The following AGBL1 variants were observed in gnomAD, a reference collection of about 807,000 sequenced individuals.
AGBL1 encodes cytosolic carboxypeptidase 4.
AGBL1 carries 130 observed loss-of-function variants against 118.9 expected under a neutral mutation model. That is an observed-to-expected ratio of 1.09 (90% CI 0.95 to 1.26). The LOEUF (loss-of-function observed/expected upper bound fraction) is 1.26. Ranked by LOEUF, AGBL1 falls within the 50% of genes most tolerant of loss-of-function variation. The pLI, the probability that AGBL1 is intolerant of heterozygous loss-of-function variation, is 0.00. For synonymous variants in AGBL1, 555 were observed against 478.9 expected, an observed-to-expected ratio of 1.16 and a Z score of -2.08; for missense variants, 1,584 against 1,298.1, an observed-to-expected ratio of 1.22 and a Z score of -3.38.
intron 17 of AGBL1, among the ~76,000 whole-genome samples, chr15:86,395,940 C>G (rs1015609484): frequency 1.3e-5 from 2 of 151,774 alleles, no homozygotes; most frequent in Non-Finnish European, 2.9e-5. Flanking sequence ...TTTGTATCTT[C>G]AAAAAGGCTA....
At chr15:86,568,799 G>A (rs1345832854) in intron 21 of AGBL1, among the ~76,000 whole-genome samples, 1 of 152,188 alleles carries the variant, frequency 6.6e-6, no homozygotes, top group Non-Finnish European at 1.5e-5. Context: ...GGTCAAAGAG[G>A]TGAGGTAGAT....
chr15:86,942,601 C>T (rs955615980), intron 23 of AGBL1, among the ~76,000 whole-genome samples: 8 of 152,222 alleles, frequency 5.3e-5, no homozygotes, highest in East Asian at 1.9e-4. Flanking sequence ...TTTTCCCTCA[C>T]ACCTCTCTCT....
At chr15:86,235,017 C>T (rs909078212) in intron 6 of AGBL1, among the ~76,000 whole-genome samples, 1 of 151,960 alleles carries the variant, frequency 6.6e-6, no homozygotes. Context: ...AAATATTTTA[C>T]GGTTTGTGGA....
chr15:86,604,593 T>C (rs1172273432), intron 21 of AGBL1, among the ~76,000 whole-genome samples: 1 of 152,198 alleles, frequency 6.6e-6, no homozygotes, highest in Non-Finnish European at 1.5e-5. Context: ...ATTTTCTATG[T>C]GCCTTACCTT....
At chr15:86,880,444 C>T (rs2079874589) in intron 22 of AGBL1, among the ~76,000 whole-genome samples, 1 of 152,154 alleles carries the variant, frequency 6.6e-6, no homozygotes, top group South Asian at 2.1e-4. Flanking sequence ...GGAACAATTG[C>T]TTATGTCAGG....
chr15:86,714,188 G>A (rs1287118385), intron 22 of AGBL1, among the ~76,000 whole-genome samples: 1 of 152,174 alleles, frequency 6.6e-6, no homozygotes, highest in Non-Finnish European at 1.5e-5. Flanking sequence ...GCAATGATAA[G>A]GGGCCCAAGA....
intron 22 of AGBL1, among the ~76,000 whole-genome samples, chr15:86,882,396 T>A (rs2079907029): frequency 6.6e-6 from 1 of 152,198 alleles, no homozygotes; most frequent in Admixed American, 6.5e-5. Context: ...CTTTGTAATA[T>A]CAATTGAATT....
intron 23 of AGBL1, among the ~76,000 whole-genome samples, chr15:86,942,152 T>C (rs1466654860): frequency 6.6e-6 from 1 of 152,084 alleles, no homozygotes; most frequent in Non-Finnish European, 1.5e-5. Flanking sequence ...AACACACACA[T>C]ACGCAAAACA....
chr15:86,689,693 A>T (rs757065011), intron 22 of AGBL1, among the ~76,000 whole-genome samples: 1 of 152,162 alleles, frequency 6.6e-6, no homozygotes, highest in Admixed American at 6.6e-5. Flanking sequence ...ACTTTTATGT[A>T]TTAAAAAAAA....
At chr15:87,030,059 C>T (rs1161188832), downstream of AGBL1, among the ~76,000 whole-genome samples, 2 of 151,850 alleles carry the variant, frequency 1.3e-5, no homozygotes, top group African/African-American at 4.8e-5. Context: ...AAGATTATTA[C>T]AATTAAAAGG....
At chr15:86,928,370 G>A (rs909677440) in intron 23 of AGBL1, among the ~76,000 whole-genome samples, 4 of 152,154 alleles carry the variant, frequency 2.6e-5, no homozygotes, top group Admixed American at 2.0e-4. Flanking sequence ...CCTAAGAGAG[G>A]CCCTGTCTGC....
chr15:86,491,906 A>G (rs1264020204), intron 18 of AGBL1, among the ~76,000 whole-genome samples: 1 of 151,938 alleles, frequency 6.6e-6, no homozygotes, highest in East Asian at 1.9e-4. Context: ...GAGTACAGAA[A>G]ATAGAAGGGA....
chr15:86,165,955 T>G (rs1290339447), intron 5 of AGBL1, among the ~76,000 whole-genome samples: 1 of 152,126 alleles, frequency 6.6e-6, no homozygotes, highest in Non-Finnish European at 1.5e-5. Context: ...CAACTAGAGT[T>G]ATAGGGTTAA....
chr15:86,538,945 G>A (rs2083459378), intron 19 of AGBL1, among the ~76,000 whole-genome samples: 1 of 152,250 alleles, frequency 6.6e-6, no homozygotes, highest in South Asian at 2.1e-4. Context: ...AGGCATGTGA[G>A]AAGCATGGCA....
At chr15:86,780,081 C>T (rs1002507411) in intron 22 of AGBL1, among the ~76,000 whole-genome samples, 127 of 152,270 alleles carry the variant, frequency 8.3e-4, no homozygotes, top group African/African-American at 2.9e-3. Context: ...AAGCTATCCT[C>T]CTATGTGTTT....
At chr15:86,835,758 A>T (rs1190728029) in intron 22 of AGBL1, among the ~76,000 whole-genome samples, 1 of 152,116 alleles carries the variant, frequency 6.6e-6, no homozygotes, top group Admixed American at 6.5e-5. Context: ...ATAGTAGGAG[A>T]CCTGGGCAGG....
intron 22 of AGBL1, among the ~76,000 whole-genome samples, chr15:86,711,585 C>T (rs1467556525): frequency 4.6e-5 from 7 of 152,128 alleles, no homozygotes; most frequent in Admixed American, 4.6e-4. Context: ...CGGTTGCTAG[C>T]TTAGTGTAGG....
intron 18 of AGBL1, among the ~76,000 whole-genome samples, chr15:86,499,836 A>C (rs1365331228): frequency 1.3e-5 from 2 of 151,920 alleles, no homozygotes; most frequent in Non-Finnish European, 2.9e-5. Context: ...CACAGTTTCA[A>C]GTGAGCAGCA....
At chr15:86,194,146 C>T (rs1039557514) in intron 5 of AGBL1, among the ~76,000 whole-genome samples, 2 of 152,232 alleles carry the variant, frequency 1.3e-5, no homozygotes, top group African/African-American at 4.8e-5. Flanking sequence ...GGATTTTCTT[C>T]GGAGTGCAAA....
Sources: allele counts gnomAD v4.1 joint callset (sites outside exome capture counted in the v4.1 genomes callset), GRCh38; gene constraint gnomAD v4.1.1; transcripts MANE v1.5; gene names NCBI Gene and HGNC (gene_info 2026-07-23, HGNC 2026-07-21).